The following PAPOLA variants were observed in gnomAD, a reference collection of about 807,000 sequenced individuals.
PAPOLA encodes poly(A) polymerase alpha.
Under a neutral mutation model 100.6 loss-of-function variants are expected in PAPOLA, and 15 were observed. The ratio of observed to expected loss-of-function variants is 0.15; its 90% CI spans 0.10 to 0.23. The LOEUF (loss-of-function observed/expected upper bound fraction) is 0.23. Among genes scored for constraint, PAPOLA ranks in the 10% least tolerant of loss-of-function variants. The pLI is 1.00. For synonymous variants in PAPOLA, 293 were observed against 300.0 expected, an observed-to-expected ratio of 0.98 and a Z score of 0.24; for missense variants, 533 against 884.2, an observed-to-expected ratio of 0.60 and a Z score of 5.04.
At chr14:96,517,068 G>T (rs775052410) in intron 1 of PAPOLA, among the ~76,000 whole-genome samples, 1 of 151,930 alleles carries the variant, frequency 6.6e-6, no homozygotes, top group African/African-American at 2.4e-5. Context: ...CATATTACTC[G>T]CACAAAACAA....
intron 3 of PAPOLA, 65 bp from the exon 4 acceptor site, chr14:96,525,245 A>G: frequency 1.3e-6 from 1 of 763,858 alleles, no homozygotes; most frequent in Non-Finnish European, 2.4e-6. Flanking sequence ...TCACCCCAGT[A>G]TAGTATCATT....
intron 9 of PAPOLA, chr14:96,532,944 C>G: frequency 2.8e-6 from 3 of 1,082,004 alleles, no homozygotes; most frequent in Non-Finnish European, 3.4e-6. Flanking sequence ...GTTGGGAAAT[C>G]AGTTACTATA....
intron 19 of PAPOLA, among the ~76,000 whole-genome samples, chr14:96,559,581 C>CTCTCTCTCTCTCTA (rs370979875): frequency 5.9e-4 from 71 of 120,176 alleles, no homozygotes; most frequent in African/African-American, 1.1e-3. Flanking sequence ...CTCTCTCTCT[C>CTCTCTCTCTCTCTA]TATATATATA....
intron 15 of PAPOLA, 63 bp downstream of exon 15, chr14:96,544,321 C>T: frequency 1.3e-6 from 1 of 751,836 alleles, no homozygotes; most frequent in Non-Finnish European, 2.3e-6. Context: ...TGTCTTGATG[C>T]ATACCATAGT....
chr14:96,502,496 G>GCC lies in PAPOLA; in HGVS notation c.-90_-89dup, dbSNP rs376135159. The GCC allele has an allele frequency of 2.4e-5, 23 of 958,822 alleles. No individual in the cohort carries two copies. In the African/African-American group the frequency reaches 3.0e-4, roughly 13 times the overall value. The allele number at this position is 958,822 out of a possible 1,614,324, so 59.4% of individuals were successfully genotyped here. ...GGGGTTGGACCCAGGGCTGAGGCAGGCCCCCCCCTCCCTCCCGCCTCAGTG... is the reference window on the plus strand; with the variant it reads ...GGGGTTGGACCCAGGGCTGAGGCAGGCCCCCCCCCCTCCCTCCCGCCTCAGTG... On this transcript the variant is annotated 5_prime_UTR_variant, in exon 1 of 22. Coordinates refer to ENST00000216277, the MANE Select transcript of PAPOLA (RefSeq NM_032632.5).
Position 96,517,168 on chromosome 14 carries a change from T to C in PAPOLA, c.9-2887T>C, listed in dbSNP as rs138190914. Among the ~76,000 whole-genome samples the C allele has an allele frequency of 5.7e-4, 87 of 152,330 alleles. 1 individual carries two copies. Among genetic ancestry groups the C allele is most frequent in the African/African-American group, 2.0e-3 (84 of 41,576 alleles). ...CTCCTTGCTTGAACCAGATCTAGCCTAGACAAAATAAAGTTTTTACACTTT... is the reference window on the plus strand; with the variant it reads ...CTCCTTGCTTGAACCAGATCTAGCCCAGACAAAATAAAGTTTTTACACTTT... On this transcript the variant is annotated intron_variant, in intron 1 of 21. Coordinates refer to ENST00000216277, the MANE Select transcript of PAPOLA (RefSeq NM_032632.5).
rs1227309897 is a variant in PAPOLA, at chr14:96,556,107, CA to C, written c.1766-63del. 4 of 1,356,180 alleles carry C rather than the reference CA, an allele frequency of 2.9e-6. No individual in the cohort carries two copies. The African/African-American group carries it at 4.4e-5, about 15-fold the overall frequency. The allele number at this position is 1,356,180 out of a possible 1,614,324, so 84.0% of individuals were successfully genotyped here. ...ATTCATGAAATCAAATTCAGAGAAA[CA>C]AAAACTTACAACTTGATACTGATTT... On this transcript the variant is annotated intron_variant, in intron 18 of 21. Coordinates refer to ENST00000216277, the MANE Select transcript of PAPOLA (RefSeq NM_032632.5).
intron 1 of PAPOLA, among the ~76,000 whole-genome samples, chr14:96,515,535 C>T (rs1475943165): frequency 2.6e-5 from 4 of 152,152 alleles, no homozygotes; most frequent in Admixed American, 6.5e-5. Context: ...AAATATTAGG[C>T]TACTAAAAAT....
chr14:96,503,469 C>T (rs1896481026), intron 1 of PAPOLA, among the ~76,000 whole-genome samples: 1 of 151,650 alleles, frequency 6.6e-6, no homozygotes, highest in Admixed American at 6.6e-5. Flanking sequence ...CTCCCCCTTT[C>T]TGATAATGAG....
chr14:96,530,300 A>T (rs1237479288), intron 6 of PAPOLA, among the ~76,000 whole-genome samples: 1 of 152,218 alleles, frequency 6.6e-6, no homozygotes, highest in Non-Finnish European at 1.5e-5. Flanking sequence ...TTAATACATC[A>T]AACTTGATAA....
At chr14:96,506,829 A>G (rs1464668920) in intron 1 of PAPOLA, among the ~76,000 whole-genome samples, 1 of 152,256 alleles carries the variant, frequency 6.6e-6, no homozygotes, top group African/African-American at 2.4e-5. Context: ...AAGGTAAACC[A>G]GATTTTAATG....
intron 17 of PAPOLA, among the ~76,000 whole-genome samples, chr14:96,553,780 C>A (rs1376298535): frequency 6.6e-6 from 1 of 152,098 alleles, no homozygotes; most frequent in Admixed American, 6.5e-5. Context: ...CCCAAAGTGC[C>A]AGGATTCCAG....
intron 14 of PAPOLA, among the ~76,000 whole-genome samples, chr14:96,543,248 C>T (rs763273237): frequency 3.9e-5 from 6 of 152,122 alleles, no homozygotes; most frequent in Non-Finnish European, 8.8e-5. Context: ...GTATACCATA[C>T]ATCAGTCTTT....
intron 1 of PAPOLA, 86 bp from the exon 2 acceptor site, chr14:96,519,969 T>C (rs1897805136): frequency 8.9e-7 from 1 of 1,126,830 alleles, no homozygotes; most frequent in Non-Finnish European, 1.3e-6. Context: ...GAAATGTGTG[T>C]TACTAAATTA....
intron 3 of PAPOLA, 49 bp from the exon 4 acceptor site, chr14:96,525,261 A>G (rs773616293): frequency 1.2e-6 from 1 of 825,746 alleles, no homozygotes; most frequent in South Asian, 1.4e-5. Flanking sequence ...TCATTTGAAT[A>G]GTTTCCCTTG....
At chr14:96,518,640 G>T (rs1044057277) in intron 1 of PAPOLA, among the ~76,000 whole-genome samples, 2 of 151,890 alleles carry the variant, frequency 1.3e-5, no homozygotes, top group African/African-American at 4.8e-5. Flanking sequence ...CTCGTGATCC[G>T]CCCACCTCGG....
intron 1 of PAPOLA, among the ~76,000 whole-genome samples, chr14:96,519,719 C>T (rs917444960): frequency 3.9e-5 from 6 of 152,150 alleles, no homozygotes; most frequent in East Asian, 3.9e-4. Context: ...ATTTCTGTAG[C>T]GTGTTTATCA....
At chr14:96,521,818 T>A (rs944169883) in intron 3 of PAPOLA, among the ~76,000 whole-genome samples, 2 of 152,106 alleles carry the variant, frequency 1.3e-5, no homozygotes, top group African/African-American at 4.8e-5. Context: ...TTTCCTTTTT[T>A]CTTTCTTTAT....
intron 14 of PAPOLA, 58 bp downstream of exon 14, chr14:96,542,951 CT>C (rs1405453198): frequency 6.4e-7 from 1 of 1,565,730 alleles, no homozygotes; most frequent in Non-Finnish European, 8.7e-7. Flanking sequence ...TTCATAGAAG[CT>C]TTTACAGGCA....
Sources: allele counts gnomAD v4.1 joint callset (sites outside exome capture counted in the v4.1 genomes callset), GRCh38; gene constraint gnomAD v4.1.1; transcripts MANE v1.5; gene names NCBI Gene and HGNC (gene_info 2026-07-23, HGNC 2026-07-21).